Variants in PRKD1 observed in about 807,000 individuals in gnomAD.
The protein encoded by PRKD1 is serine/threonine-protein kinase D1.
In PRKD1, 63 loss-of-function variants were observed where a neutral mutation model predicts 95.9. The ratio of observed to expected loss-of-function variants is 0.66; its 90% CI spans 0.54 to 0.81. The LOEUF (loss-of-function observed/expected upper bound fraction) is 0.81. Among genes scored for constraint, PRKD1 ranks in the 30% least tolerant of loss-of-function variants. PRKD1 has a pLI of 0.00. For missense variants in PRKD1, 1,048 were observed against 1,165.3 expected, an observed-to-expected ratio of 0.90 and a Z score of 1.47; for synonymous variants, 425 against 423.1, an observed-to-expected ratio of 1.00 and a Z score of -0.05.
At chr14:29,773,681 A>G (rs949832074) in intron 1 of PRKD1, among the ~76,000 whole-genome samples, 1 of 152,204 alleles carries the variant, frequency 6.6e-6, no homozygotes, top group Non-Finnish European at 1.5e-5. Flanking sequence ...AAAAGAACAC[A>G]GCAATTTAAT....
chr14:29,837,643 T>C (rs1321466313), intron 1 of PRKD1, among the ~76,000 whole-genome samples: 1 of 152,182 alleles, frequency 6.6e-6, no homozygotes, highest in Non-Finnish European at 1.5e-5. Context: ...TCTGATTTTA[T>C]ACCTAAAGCT....
chr14:29,895,193 T>C (rs913561253), intron 1 of PRKD1, among the ~76,000 whole-genome samples: 2 of 152,058 alleles, frequency 1.3e-5, no homozygotes, highest in Non-Finnish European at 2.9e-5. Flanking sequence ...GGCGGACACC[T>C]GTAATCTCAG....
At chr14:29,826,669 ATG>A (rs1555348468) in intron 1 of PRKD1, among the ~76,000 whole-genome samples, 3 of 90,794 alleles carry the variant, frequency 3.3e-5, no homozygotes, top group East Asian at 4.5e-4. Flanking sequence ...GTGTGTATAT[ATG>A]TGTATATATA....
intron 2 of PRKD1, among the ~76,000 whole-genome samples, chr14:29,715,382 A>T (rs1446406641): frequency 6.6e-6 from 1 of 152,048 alleles, no homozygotes; most frequent in Non-Finnish European, 1.5e-5. Context: ...TCTATTGAAC[A>T]CTTGAAATGT....
At chr14:29,648,993 A>AT (rs568927576) in intron 4 of PRKD1, among the ~76,000 whole-genome samples, 267 of 152,024 alleles carry the variant, frequency 1.8e-3, no homozygotes, top group Middle Eastern at 6.8e-3. Context: ...CACCTTTGAG[A>AT]TTTTTTTTAT....
At chr14:29,577,577 A>G (rs976100956) in intron 17 of PRKD1, 121 bp from the exon 18 acceptor site, 3 of 936,278 alleles carry the variant, frequency 3.2e-6, no homozygotes, top group African/African-American at 3.2e-5. Context: ...ACAGCGCTGA[A>G]TCTTTCATCA....
chr14:29,828,895 A>G (rs1276293546), intron 1 of PRKD1, among the ~76,000 whole-genome samples: 1 of 152,206 alleles, frequency 6.6e-6, no homozygotes, highest in Admixed American at 6.5e-5. Flanking sequence ...GATAGAATGC[A>G]GTGGAAATAG....
intron 2 of PRKD1, among the ~76,000 whole-genome samples, chr14:29,669,108 A>C (rs2139227664): frequency 6.6e-6 from 1 of 152,268 alleles, no homozygotes; most frequent in South Asian, 2.1e-4. Context: ...ATAACACACA[A>C]CCCCTTGTAA....
intron 2 of PRKD1, among the ~76,000 whole-genome samples, chr14:29,691,059 G>C (rs1197713413): frequency 5.3e-5 from 8 of 152,288 alleles, no homozygotes; most frequent in African/African-American, 1.9e-4. Context: ...ATGGCATCAA[G>C]TACACGGTCA....
At chr14:29,618,446 G>C (rs574611445) in intron 13 of PRKD1, among the ~76,000 whole-genome samples, 6 of 151,992 alleles carry the variant, frequency 3.9e-5, no homozygotes, top group African/African-American at 1.5e-4. Context: ...AGTAGACATG[G>C]GGTTTCACCG....
intron 13 of PRKD1, among the ~76,000 whole-genome samples, chr14:29,622,411 ATT>A (rs34017060): frequency 0.036 from 4,009 of 110,842 alleles, 192 homozygotes; most frequent in African/African-American, 0.16. Flanking sequence ...TGTTTTTATT[ATT>A]TTTTTTTTTT....
At chr14:29,832,762 T>C (rs2139298220) in intron 1 of PRKD1, among the ~76,000 whole-genome samples, 1 of 152,292 alleles carries the variant, frequency 6.6e-6, no homozygotes, top group South Asian at 2.1e-4. Context: ...TTTCATTTTC[T>C]ATCCTTTTAT....
At chr14:29,688,906 G>A (rs1393081932) in intron 2 of PRKD1, among the ~76,000 whole-genome samples, 5 of 123,394 alleles carry the variant, frequency 4.1e-5, no homozygotes, top group East Asian at 2.5e-4. Context: ...CAGAGACCAC[G>A]CCACTGCACT....
At chr14:29,769,063 A>T (rs551707868) in intron 1 of PRKD1, among the ~76,000 whole-genome samples, 1 of 152,152 alleles carries the variant, frequency 6.6e-6, no homozygotes, top group African/African-American at 2.4e-5. Context: ...GCATTACAGT[A>T]ATTTGCACAA....
At chr14:29,584,870 C>T (rs532166262) in intron 16 of PRKD1, among the ~76,000 whole-genome samples, 9 of 151,990 alleles carry the variant, frequency 5.9e-5, no homozygotes, top group East Asian at 3.9e-4. Context: ...TTTTTTCAGG[C>T]GGGAAATCAC....
rs77971449 is a variant in PRKD1 at position 29,886,013 on chromosome 14, T to C, written c.264+41236A>G. 3.5e-3 allele frequency among the ~76,000 whole-genome samples: 535 copies of C among 151,844 alleles called. 2 individuals carry two copies. The highest frequency in any genetic ancestry group is 0.012 in the African/African-American group (477 of 41,410). ...TAAACACTTTTTTCTGTAACAATGG[T>C]TGCAATATATTTATAGAATACCTGA... On this transcript the variant is annotated intron_variant, in intron 1 of 17. Coordinates refer to ENST00000331968, the MANE Select transcript of PRKD1 (RefSeq NM_002742.3).
chr14:29,913,193 T>C (rs1177619419), intron 1 of PRKD1, among the ~76,000 whole-genome samples: 1 of 152,194 alleles, frequency 6.6e-6, no homozygotes, highest in Non-Finnish European at 1.5e-5. Context: ...GTTTTTAGCT[T>C]AAACCATTTA....
chr14:29,581,360 G>A (rs1026938881), intron 16 of PRKD1, among the ~76,000 whole-genome samples: 7 of 151,922 alleles, frequency 4.6e-5, no homozygotes, highest in South Asian at 2.1e-4. Flanking sequence ...TAGGATTGAG[G>A]GGTTTTCATT....
chr14:29,816,035 T>C (rs1317381467), intron 1 of PRKD1, among the ~76,000 whole-genome samples: 1 of 152,066 alleles, frequency 6.6e-6, no homozygotes, highest in Admixed American at 6.5e-5. Flanking sequence ...CTGGCCAACA[T>C]GGTGAAACCC....
Sources: gnomAD v4.1 joint callset for allele counts (sites outside exome capture counted in the v4.1 genomes callset) on GRCh38, gnomAD v4.1.1 for gene constraint, MANE v1.5 for transcripts, NCBI Gene and HGNC (gene_info 2026-07-23, HGNC 2026-07-21) for gene names.